Variants in GPAT4 observed in about 807,000 individuals in gnomAD.
The protein encoded by GPAT4 is 1-AGP acyltransferase 6.
GPAT4 carries 17 observed loss-of-function variants against 58.0 expected under a neutral mutation model. The observed-to-expected ratio is 0.29, with a 90% CI of 0.20 to 0.44. The LOEUF is 0.44. GPAT4 is among the 20% of genes least tolerant of loss of function. The probability of loss-of-function intolerance (pLI) is 1.00; values close to 1 mark genes in which losing one functional copy is unlikely to be tolerated. For missense variants in GPAT4, 377 were observed against 574.5 expected (o/e 0.66, Z 3.51); for synonymous variants, 204 against 210.1 (o/e 0.97, Z 0.25).
At chr8:41,611,595 G>C (rs762450425) in intron 5 of GPAT4, among the ~76,000 whole-genome samples, 3 of 152,212 alleles carry the variant, frequency 2.0e-5, no homozygotes, top group African/African-American at 7.2e-5. Flanking sequence ...CTCTGGCCTT[G>C]GACCTGCCTC....
intron 1 of GPAT4, among the ~76,000 whole-genome samples, chr8:41,587,196 C>G (rs1802677747): frequency 6.6e-6 from 1 of 152,206 alleles, no homozygotes; most frequent in African/African-American, 2.4e-5. Context: ...CATTTGCCCC[C>G]AGTATGCTCT....
intron 2 of GPAT4, among the ~76,000 whole-genome samples, chr8:41,606,513 A>G (rs1180391578): frequency 1.3e-5 from 2 of 152,202 alleles, no homozygotes; most frequent in Non-Finnish European, 2.9e-5. Context: ...AAGGGAAAGC[A>G]TCCCCTTTGC....
At chr8:41,603,590 C>T (rs1314730544) in intron 2 of GPAT4, among the ~76,000 whole-genome samples, 1 of 150,706 alleles carries the variant, frequency 6.6e-6, no homozygotes, top group Non-Finnish European at 1.5e-5. Context: ...TCTGGGTAGG[C>T]GTTTTTTTAA....
rs547495952 is a variant in GPAT4, at chr8:41,620,773, G to A, written c.1263-120G>A. 1,270 of 1,473,148 alleles carry A rather than the reference G, an allele frequency of 8.6e-4. 7 individuals are homozygous for A. Among genetic ancestry groups the A allele is most frequent in the South Asian group, 4.9e-3 (353 of 72,602 alleles). The allele number at this position is 1,473,148 out of a possible 1,614,324, so 91.3% of individuals were successfully genotyped here. ...GAGGTTGTCTTGGTGAGAGTGCCAC[G>A]GGGTACCCTGTTTCTGGCAGGTTTT... On this transcript the variant is annotated intron_variant, in intron 12 of 12. Coordinates refer to ENST00000396987, the MANE Select transcript of GPAT4 (RefSeq NM_178819.4).
chr8:41,618,635 C>T (rs760184923), intron 10 of GPAT4, 49 bp from the exon 11 acceptor site: 17 of 1,607,852 alleles, frequency 1.1e-5, no homozygotes, highest in Admixed American at 1.7e-5. Context: ...GACTCGCAAA[C>T]GTTGTGAGAA....
intron 1 of GPAT4, chr8:41,584,807 T>C (rs911894431): frequency 6.6e-6 from 1 of 152,174 alleles, no homozygotes; most frequent in Non-Finnish European, 1.5e-5. Context: ...TGGGGTGAAC[T>C]TGGTACCAGT....
intron 1 of GPAT4, among the ~76,000 whole-genome samples, chr8:41,579,550 A>G (rs1446378033): frequency 6.6e-6 from 1 of 152,068 alleles, no homozygotes; most frequent in African/African-American, 2.4e-5. Flanking sequence ...TTAAAAGAAA[A>G]AGTATGGCCG....
chr8:41,586,920 G>GAA (rs1802669148), intron 1 of GPAT4, among the ~76,000 whole-genome samples: 1 of 152,212 alleles, frequency 6.6e-6, no homozygotes, highest in Non-Finnish European at 1.5e-5. Flanking sequence ...TGTACCTGCA[G>GAA]AGATTCTAAT....
At chr8:41,581,537 A>G (rs1802507154) in intron 1 of GPAT4, among the ~76,000 whole-genome samples, 1 of 151,710 alleles carries the variant, frequency 6.6e-6, no homozygotes. Context: ...CTGCACCCTC[A>G]GCCTCCCTGG....
At position 41,614,451 on chromosome 8, in the gene GPAT4, G is replaced by T; in HGVS notation, c.967+10G>T. ...CTCATCTTCCCAGAAGGTAAGAAGG[G>T]GTTGGTTGCCACGAAGGGCTTCTGT... On this transcript the variant is annotated intron_variant, in intron 9 of 12. Transcript: ENST00000396987. 6.2e-7 allele frequency: 1 copy of T among 1,613,998 alleles called. No homozygotes were observed. The highest frequency in any genetic ancestry group is 2.2e-5 in the East Asian group (1 of 44,878).
chr8:41,586,540 A>G (rs2055074550), intron 1 of GPAT4, among the ~76,000 whole-genome samples: 1 of 152,162 alleles, frequency 6.6e-6, no homozygotes, highest in Non-Finnish European at 1.5e-5. Flanking sequence ...GTATTGAGCT[A>G]GAATTTGCAC....
chr8:41,587,632 C>T (rs562109010), intron 1 of GPAT4, among the ~76,000 whole-genome samples: 6 of 152,268 alleles, frequency 3.9e-5, no homozygotes, highest in African/African-American at 4.8e-5. Flanking sequence ...CTCTGCCCTG[C>T]GCACTGCACT....
intron 7 of GPAT4, 46 bp from the exon 8 acceptor site, chr8:41,612,799 G>A (rs201491109): frequency 1.8e-5 from 27 of 1,517,914 alleles, no homozygotes; most frequent in East Asian, 9.2e-5. Flanking sequence ...GGGGAGATTC[G>A]TGTGAAGATG....
chr8:41,588,750 A>G (rs892658385), intron 1 of GPAT4, among the ~76,000 whole-genome samples: 1 of 152,202 alleles, frequency 6.6e-6, no homozygotes, highest in Middle Eastern at 3.2e-3. Context: ...AACTGAGGCC[A>G]TTAGGGAGCC....
At chr8:41,594,929 C>G (rs1802886555) in intron 1 of GPAT4, among the ~76,000 whole-genome samples, 1 of 152,086 alleles carries the variant, frequency 6.6e-6, no homozygotes, top group Admixed American at 6.6e-5. Context: ...ATTCTGTCCC[C>G]CCTTTTTTTC....
At chr8:41,605,545 GTTTTGTTT>G (rs767160544) in intron 2 of GPAT4, among the ~76,000 whole-genome samples, 4 of 121,032 alleles carry the variant, frequency 3.3e-5, no homozygotes, top group South Asian at 3.4e-4. Context: ...TGAAGGTTGT[GTTTTGTTT>G]GTTTGTTTGT....
At position 41,601,644 on chromosome 8, in the gene GPAT4, G is replaced by A. The variant is rs180729121; in HGVS notation, c.165+2340G>A. Among the ~76,000 whole-genome samples, 1,107 of 152,314 alleles carry A rather than the reference G, an allele frequency of 7.3e-3. 3 individuals are homozygous for A. Among genetic ancestry groups the A allele is most frequent in the Non-Finnish European group, 0.013 (880 of 68,038 alleles). On this transcript the variant is annotated intron_variant, in intron 2 of 12. Coordinates refer to ENST00000396987, the MANE Select transcript of GPAT4 (RefSeq NM_178819.4). ...GGTAGAAGTAAGAGTTATGAGCCTA[G>A]AGTTCTCTTGTAGTAGTTAAAATTT...
At chr8:41,596,842 T>C (rs1435709022) in intron 1 of GPAT4, among the ~76,000 whole-genome samples, 2 of 152,154 alleles carry the variant, frequency 1.3e-5, no homozygotes, top group Non-Finnish European at 2.9e-5. Flanking sequence ...GCTGGGAGCA[T>C]CAGTGGACTC....
intron 12 of GPAT4, among the ~76,000 whole-genome samples, chr8:41,619,886 T>A (rs1389381091): frequency 6.6e-6 from 1 of 152,234 alleles, no homozygotes; most frequent in African/African-American, 2.4e-5. Context: ...TGCCAGTCAC[T>A]GAGCTGCTGG....
Sources: allele counts gnomAD v4.1 joint callset (sites outside exome capture counted in the v4.1 genomes callset), GRCh38; gene constraint gnomAD v4.1.1; transcripts MANE v1.5; gene names NCBI Gene and HGNC (gene_info 2026-07-23, HGNC 2026-07-21).